ELFN1: variants seen among roughly 807,000 people sequenced by gnomAD.
ELFN1 encodes extracellular leucine rich repeat and fibronectin type III domain containing 1.
A neutral mutation model predicts 7.6 loss-of-function variants in ELFN1; 6 were observed. The ratio of observed to expected loss-of-function variants is 0.79; its 90% CI spans 0.43 to 1.56. The LOEUF (loss-of-function observed/expected upper bound fraction) is 1.56, where lower values mean the gene tolerates loss of function less well. ELFN1 is among the 40% of genes most tolerant of loss of function. The pLI, the probability that ELFN1 is intolerant of heterozygous loss-of-function variation, is 0.01. For missense variants in ELFN1, 1,169 were observed against 1,232.2 expected (o/e 0.95, Z 0.77); for synonymous variants, 657 against 588.1 (o/e 1.12, Z -1.70).
chr7:1,700,184 G>C (rs2128583883), intron 2 of ELFN1, among the ~76,000 whole-genome samples: 1 of 152,364 alleles, frequency 6.6e-6, no homozygotes, highest in African/African-American at 2.4e-5. Context: ...TGGAGGTGTA[G>C]ACTGTGAGCT....
intron 1 of ELFN1, among the ~76,000 whole-genome samples, chr7:1,672,454 G>A (rs1328402681): frequency 2.0e-5 from 3 of 151,878 alleles, no homozygotes; most frequent in South Asian, 2.1e-4. Context: ...TGCCTGTCTC[G>A]GACCCCGGCA....
In ELFN1 at chr7:1,702,142, C is replaced by T. The variant is rs974774118; in HGVS notation, c.-455-6949C>T. On this transcript the variant is annotated intron_variant, in intron 2 of 3. Coordinates refer to ENST00000424383, the MANE Select transcript of ELFN1 (RefSeq NM_001128636.4). ...TATCTGATGGAAGAAGAGCCATCCTCGGCCGGGTGCAGTGGCTCACGCTTG... is the reference window on the plus strand; with the variant it reads ...TATCTGATGGAAGAAGAGCCATCCTTGGCCGGGTGCAGTGGCTCACGCTTG... Among the ~76,000 whole-genome samples the T allele has an allele frequency of 4.0e-5, 6 of 151,606 alleles. No homozygotes were observed. The South Asian group carries it at 6.3e-4, about 16-fold the overall frequency.
chr7:1,732,721 G>A (rs1486000011), intron 3 of ELFN1, among the ~76,000 whole-genome samples: 1 of 152,044 alleles, frequency 6.6e-6, no homozygotes, highest in Non-Finnish European at 1.5e-5. Flanking sequence ...TCGGTGGGGA[G>A]AAATATGCCC....
chr7:1,720,919 G>T (rs1214316799), intron 3 of ELFN1, among the ~76,000 whole-genome samples: 1 of 152,136 alleles, frequency 6.6e-6, no homozygotes, highest in African/African-American at 2.4e-5. Context: ...TCCTGCCTGG[G>T]CCCAGGTCCC....
chr7:1,672,145 G>C (rs188259715), intron 1 of ELFN1, among the ~76,000 whole-genome samples: 148 of 152,332 alleles, frequency 9.7e-4, no homozygotes, highest in African/African-American at 3.1e-3. Flanking sequence ...AGAAAAGCCA[G>C]TGGGCACCTG....
chr7:1,733,737 A>T (rs1441794032), intron 3 of ELFN1, among the ~76,000 whole-genome samples: 1 of 152,180 alleles, frequency 6.6e-6, no homozygotes, highest in African/African-American at 2.4e-5. Flanking sequence ...ACCATGCCCC[A>T]AATCTCTAGC....
chr7:1,714,497 A>G (rs1779770054), intron 3 of ELFN1, among the ~76,000 whole-genome samples: 1 of 152,252 alleles, frequency 6.6e-6, no homozygotes, highest in Non-Finnish European at 1.5e-5. Context: ...TAGCACTACT[A>G]CAAATGGAAA....
chr7:1,687,129 AG>A (rs1779074707), intron 1 of ELFN1, among the ~76,000 whole-genome samples: 1 of 151,382 alleles, frequency 6.6e-6, no homozygotes, highest in Admixed American at 6.6e-5. Context: ...AGTTGGGGGG[AG>A]GTGCGGGGGG....
intron 1 of ELFN1, among the ~76,000 whole-genome samples, chr7:1,686,133 A>C (rs1345437133): frequency 6.6e-6 from 1 of 151,560 alleles, no homozygotes; most frequent in Non-Finnish European, 1.5e-5. Flanking sequence ...GAAAACAAAC[A>C]CTTCAGGTAA....
intron 1 of ELFN1, among the ~76,000 whole-genome samples, chr7:1,682,547 C>G (rs1051069963): frequency 6.6e-6 from 1 of 151,892 alleles, no homozygotes. Flanking sequence ...CTCAAGTGAT[C>G]TCCTCACCAC....
At chr7:1,669,206 G>C (rs948925554), upstream of ELFN1, among the ~76,000 whole-genome samples, 1 of 152,244 alleles carries the variant, frequency 6.6e-6, no homozygotes, top group African/African-American at 2.4e-5. Flanking sequence ...CACACTATAG[G>C]ATTTATCTTG....
intron 1 of ELFN1, among the ~76,000 whole-genome samples, chr7:1,671,170 G>A (rs1274546694): frequency 1.4e-5 from 2 of 138,260 alleles, no homozygotes; most frequent in Admixed American, 1.4e-4. Flanking sequence ...ACCGCACACC[G>A]CCCCCCCCCC....
intron 2 of ELFN1, among the ~76,000 whole-genome samples, chr7:1,700,206 T>A (rs1779397225): frequency 6.6e-6 from 1 of 152,084 alleles, no homozygotes; most frequent in East Asian, 1.9e-4. Context: ...GAACAAGCCG[T>A]CTATACAGCA....
rs909031187 is a variant in ELFN1 at position 1,745,401 on chromosome 7, C to A, written c.805C>A (p.Arg269Ser). Residue 269 changes from arginine to serine, a missense_variant, in exon 4 of 4, where the codon CGC (arginine) becomes AGC (serine). Arg to Ser is a moderately radical substitution (Grantham distance 110). Coordinates refer to ENST00000424383, the MANE Select transcript of ELFN1 (RefSeq NM_001128636.4). ...VVGPPRPASG[R>S]SQPGRSPPPP... ...CGGGCCCCCACGTCCAGCATCCGGG[C>A]GCTCACAGCCGGGCCGCTCCCCGCC... is the stretch of plus-strand genomic sequence containing the variant. 2.5e-5 allele frequency: 39 copies of A among 1,538,850 alleles called. No homozygotes were observed. The highest frequency in any genetic ancestry group is 3.4e-5 in the Non-Finnish European group (39 of 1,145,894).
At chr7:1,689,417 G>A (rs552912659) in intron 2 of ELFN1, among the ~76,000 whole-genome samples, 1 of 152,302 alleles carries the variant, frequency 6.6e-6, no homozygotes, top group African/African-American at 2.4e-5. Flanking sequence ...GACGCTGGGA[G>A]GAACACAGAT....
chr7:1,747,863 G>GA lies in ELFN1; in HGVS notation c.*787dup, dbSNP rs1780852095. 2.3e-5 allele frequency: 2 copies of GA among 85,192 alleles called. No homozygotes were observed. The highest frequency in any genetic ancestry group is 5.4e-5 in the Non-Finnish European group (2 of 36,942). The allele number at this position is 85,192 out of a possible 1,614,324, so 5.3% of individuals were successfully genotyped here. A position where few individuals can be genotyped will look rare whatever the true frequency, so the allele number is the denominator to read the frequency against. On this transcript the variant is annotated 3_prime_UTR_variant, in exon 4 of 4. Transcript: ENST00000424383. ...GCAATGTTTGCTGTAAAATGAGAAAGAAAAAAAGACTATGTCTACTAAAAA... is the reference window on the plus strand; with the variant it reads ...GCAATGTTTGCTGTAAAATGAGAAAGAAAAAAAAGACTATGTCTACTAAAAA...
At chr7:1,724,706 G>A (rs1467884028) in intron 3 of ELFN1, among the ~76,000 whole-genome samples, 3 of 151,362 alleles carry the variant, frequency 2.0e-5, no homozygotes, top group African/African-American at 7.4e-5. Flanking sequence ...CCATGAACGC[G>A]ACTCCCCCCA....
intron 2 of ELFN1, among the ~76,000 whole-genome samples, chr7:1,706,726 C>T (rs1779537967): frequency 6.6e-6 from 1 of 152,232 alleles, no homozygotes; most frequent in Non-Finnish European, 1.5e-5. Flanking sequence ...GTGCACAGCC[C>T]CAGAGAGACC....
Position 1,746,138 on chromosome 7 carries a change from C to T in ELFN1, c.1542C>T (p.Ser514=), listed in dbSNP as rs763303038. The T allele has an allele frequency of 3.9e-5, 60 of 1,547,948 alleles. No individual in the cohort carries two copies. The highest frequency in any genetic ancestry group is 1.7e-4 in the Middle Eastern group (1 of 6,008). Reference sequence around the variant, plus strand: ...TGGAGCAGTACAAGCTGGTGGAGAGCGCGGACACCCCCAAGGCCAGCAAGG... The same window carrying T: ...TGGAGCAGTACAAGCTGGTGGAGAGTGCGGACACCCCCAAGGCCAGCAAGG... The part of the protein sequence containing the change: ...GEVEQYKLVE[S]ADTPKASKGS... Residue 514 remains serine, a synonymous_variant, in exon 4 of 4, where the codon AGC becomes AGT. Transcript: ENST00000424383.
Sources: gnomAD v4.1 joint callset for allele counts (sites outside exome capture counted in the v4.1 genomes callset) on GRCh38, gnomAD v4.1.1 for gene constraint, MANE v1.5 for transcripts, NCBI Gene and HGNC (gene_info 2026-07-23, HGNC 2026-07-21) for gene names.